The following AVL9 variants were observed in gnomAD, a reference collection of about 807,000 sequenced individuals.
The protein encoded by AVL9 is late secretory pathway protein AVL9 homolog.
AVL9 carries 49 observed loss-of-function variants against 79.2 expected under a neutral mutation model. The ratio of observed to expected loss-of-function variants is 0.62; its 90% CI spans 0.49 to 0.79. The LOEUF is 0.79. AVL9 is among the 30% of genes least tolerant of loss of function. The pLI, the probability that AVL9 is intolerant of heterozygous loss-of-function variation, is 0.00. For synonymous variants in AVL9, 299 were observed against 280.6 expected, an observed-to-expected ratio of 1.07 and a Z score of -0.65; for missense variants, 682 against 776.8, an observed-to-expected ratio of 0.88 and a Z score of 1.45.
chr7:32,540,587 G>C (rs1431745997), intron 1 of AVL9, among the ~76,000 whole-genome samples: 1 of 152,142 alleles, frequency 6.6e-6, no homozygotes, highest in Non-Finnish European at 1.5e-5. Flanking sequence ...GCTAAGCTTG[G>C]TGATCTTTTA....
chr7:32,570,705 C>T (rs1349383521), intron 11 of AVL9, among the ~76,000 whole-genome samples: 2 of 151,332 alleles, frequency 1.3e-5, no homozygotes, highest in Admixed American at 6.6e-5. Context: ...ATGCAACCTC[C>T]ACCTCCTGGG....
At chr7:32,540,652 T>A (rs1430545135) in intron 1 of AVL9, among the ~76,000 whole-genome samples, 2 of 152,058 alleles carry the variant, frequency 1.3e-5, no homozygotes, top group Non-Finnish European at 2.9e-5. Flanking sequence ...GCCACCTCAG[T>A]CTAAGGGCCT....
intron 4 of AVL9, among the ~76,000 whole-genome samples, chr7:32,549,230 A>T (rs59082122): frequency 0.2 from 26,751 of 133,796 alleles, 2,732 homozygotes; most frequent in South Asian, 0.32. Context: ...TATATATATA[A>T]TTTTTTTTTT....
At chr7:32,582,929 C>G (rs1269305862) in intron 15 of AVL9, among the ~76,000 whole-genome samples, 1 of 152,166 alleles carries the variant, frequency 6.6e-6, no homozygotes, top group Admixed American at 6.5e-5. Flanking sequence ...AGCTAACCAC[C>G]CGTCTCGGCT....
Position 32,585,664 on chromosome 7 carries a change from C to G in AVL9, c.*1757C>G, listed in dbSNP as rs921860207. On this transcript the variant is annotated 3_prime_UTR_variant, in exon 16 of 16. Coordinates refer to ENST00000318709, the MANE Select transcript of AVL9 (RefSeq NM_015060.3). The stretch of plus-strand genomic sequence containing the variant: ...TTTGAAATGAACATAGAAACATAAT[C>G]TAAATGTCTCTAAATTTTCCACTTT... 6.6e-6 allele frequency: 1 copy of G among 152,146 alleles called. No individual in the cohort carries two copies. Among genetic ancestry groups the G allele is most frequent in the Non-Finnish European group, 1.5e-5 (1 of 68,022 alleles). 9.4% of individuals were successfully genotyped at this position (152,146 alleles called of 1,614,324 possible).
intron 10 of AVL9, among the ~76,000 whole-genome samples, chr7:32,561,617 C>T (rs932085992): frequency 1.3e-5 from 2 of 152,220 alleles, no homozygotes; most frequent in South Asian, 2.1e-4. Context: ...ACTTTCTTAC[C>T]ATTTGTGTGT....
chr7:32,498,439 G>C (rs557568661), intron 1 of AVL9, among the ~76,000 whole-genome samples: 1 of 151,782 alleles, frequency 6.6e-6, no homozygotes, highest in East Asian at 1.9e-4. Context: ...TGGTAGAGAC[G>C]GGGTTTCACC....
chr7:32,574,749 C>G (rs1184511699), intron 12 of AVL9, among the ~76,000 whole-genome samples: 1 of 51,730 alleles, frequency 1.9e-5, no homozygotes, highest in Admixed American at 2.2e-4. Flanking sequence ...GGGATCTGAT[C>G]CCAAACAGTT....
At chr7:32,503,321 T>TAGATAG (rs1787229039) in intron 1 of AVL9, among the ~76,000 whole-genome samples, 1 of 120,878 alleles carries the variant, frequency 8.3e-6, no homozygotes, top group African/African-American at 3.2e-5. Flanking sequence ...TACTAAAAGA[T>TAGATAG]ATATATATAT....
chr7:32,543,509 G>A (rs944697070), intron 2 of AVL9, among the ~76,000 whole-genome samples: 1 of 152,238 alleles, frequency 6.6e-6, no homozygotes, highest in Non-Finnish European at 1.5e-5. Context: ...GAGCAGGACA[G>A]CCACCACTGG....
chr7:32,576,043 G>A lies in AVL9; in HGVS notation c.1659G>A (p.Lys553=), dbSNP rs1791084979. The stretch of plus-strand genomic sequence containing the variant: ...ACTACAGGGTGTGGAACAGCAACAA[G>A]CATCCAGCACTTGCAGAAATAAATC... ...THNYRVWNSN[K]HPALAEINPN... The change falls in exon 13 of 16, where the codon AAG becomes AAA. Residue 553 remains lysine (K), a synonymous_variant. Coordinates refer to ENST00000318709, the MANE Select transcript of AVL9 (RefSeq NM_015060.3). The A allele has an allele frequency of 6.2e-7, 1 of 1,613,890 alleles. No individual in the cohort carries two copies. The highest frequency in any genetic ancestry group is 1.7e-5 in the Admixed American group (1 of 60,000).
chr7:32,533,950 G>T (rs1195197977), intron 1 of AVL9: 1 of 152,186 alleles, frequency 6.6e-6, no homozygotes, highest in Non-Finnish European at 1.5e-5. Context: ...GTTCACACTA[G>T]GGTACTATGT....
intron 3 of AVL9, among the ~76,000 whole-genome samples, chr7:32,546,083 T>TTTTTTTTA (rs1554340432): frequency 0.27 from 39,514 of 144,346 alleles, 6,258 homozygotes; most frequent in East Asian, 0.38. Flanking sequence ...TTTTTTTTTT[T>TTTTTTTTA]AAATATCTGT....
At chr7:32,499,801 G>A (rs1252656658) in intron 1 of AVL9, among the ~76,000 whole-genome samples, 1 of 152,038 alleles carries the variant, frequency 6.6e-6, no homozygotes, top group Non-Finnish European at 1.5e-5. Flanking sequence ...CTGTGTCCAT[G>A]TGTTCTCATT....
intron 1 of AVL9, 48 bp downstream of exon 1, chr7:32,495,850 CTT>C: frequency 8.3e-7 from 1 of 1,208,938 alleles, no homozygotes; most frequent in Non-Finnish European, 1.1e-6. Context: ...GCGTTCGCCC[CTT>C]CCGGGGCCCC....
intron 3 of AVL9, among the ~76,000 whole-genome samples, chr7:32,546,379 AC>A (rs1157943518): frequency 2.0e-5 from 3 of 152,106 alleles, no homozygotes; most frequent in Non-Finnish European, 4.4e-5. Context: ...CCATGAAGTA[AC>A]CCTCTAAGCA....
intron 3 of AVL9, among the ~76,000 whole-genome samples, chr7:32,545,228 C>T (rs572388313): frequency 6.7e-5 from 10 of 149,658 alleles, no homozygotes; most frequent in Admixed American, 1.3e-4. Flanking sequence ...CTGCCTCAGC[C>T]TGCTGAGTAG....
At chr7:32,545,140 GTTTT>G (rs1251847644) in intron 3 of AVL9, among the ~76,000 whole-genome samples, 1 of 151,726 alleles carries the variant, frequency 6.6e-6, no homozygotes, top group African/African-American at 2.4e-5. Flanking sequence ...GTGTTTTTTA[GTTTT>G]TTTATTTTTT....
At chr7:32,551,808 AT>A (rs910274823) in intron 5 of AVL9, among the ~76,000 whole-genome samples, 4 of 152,042 alleles carry the variant, frequency 2.6e-5, no homozygotes, top group African/African-American at 9.7e-5. Context: ...CCACATGATT[AT>A]TTTATTGAAA....
Sources: gnomAD v4.1 joint callset for allele counts (sites outside exome capture counted in the v4.1 genomes callset) on GRCh38, gnomAD v4.1.1 for gene constraint, MANE v1.5 for transcripts, NCBI Gene and HGNC (gene_info 2026-07-23, HGNC 2026-07-21) for gene names.